Variants in ADGRE2 observed in about 807,000 individuals in gnomAD.
The protein encoded by ADGRE2 is CD97 antigen.
A neutral mutation model predicts 100.8 loss-of-function variants in ADGRE2; 83 were observed. That is an observed-to-expected ratio of 0.82 (90% CI 0.69 to 0.99). The LOEUF (loss-of-function observed/expected upper bound fraction) is 0.99, where lower values mean the gene tolerates loss of function less well. Ranked by LOEUF, ADGRE2 falls within the 50% of genes least tolerant of loss-of-function variation. The probability of loss-of-function intolerance (pLI) is 0.00; values close to 1 mark genes in which losing one functional copy is unlikely to be tolerated. For synonymous variants in ADGRE2, 355 were observed against 413.0 expected (o/e 0.86, Z 1.70); for missense variants, 814 against 1,035.7 (o/e 0.79, Z 2.94).
intron 4 of ADGRE2, 142 bp downstream of exon 4, chr19:14,773,796 G>C (rs2044313257): frequency 1.2e-6 from 1 of 846,404 alleles, no homozygotes; most frequent in Non-Finnish European, 2.0e-6. Flanking sequence ...CACCACACCT[G>C]CCCTCTTTCT....
intron 11 of ADGRE2, among the ~76,000 whole-genome samples, chr19:14,760,350 A>C (rs2043673029): frequency 1.3e-5 from 2 of 152,212 alleles, no homozygotes; most frequent in South Asian, 2.1e-4. Context: ...AATAAAAGCA[A>C]TTAAAAACAG....
At chr19:14,731,925 G>A (rs2147053717), downstream of ADGRE2, 1 of 152,278 alleles carries the variant, frequency 6.6e-6, no homozygotes, top group Admixed American at 6.5e-5. Flanking sequence ...AGTTTCCTCT[G>A]ACCTTCCTTC....
At chr19:14,740,252 G>A (rs911421616) in intron 20 of ADGRE2, among the ~76,000 whole-genome samples, 3 of 151,984 alleles carry the variant, frequency 2.0e-5, no homozygotes, top group Non-Finnish European at 2.9e-5. Context: ...GACATAGGTG[G>A]TGAGGGCATT....
intron 16 of ADGRE2, 117 bp from the exon 17 acceptor site, chr19:14,747,079 A>G (rs10403842): frequency 0.33 from 286,771 of 876,444 alleles, 52,741 homozygotes; most frequent in African/African-American, 0.59. Context: ...CAACAATATT[A>G]AGTGTTTCTT....
At position 14,751,608 on chromosome 19, in the gene ADGRE2, G is replaced by T; in HGVS notation, c.1852C>A (p.Leu618Met). Residue 618 changes from leucine (L) to methionine (M), a missense_variant, in exon 16 of 21, where the codon CTG (leucine) becomes ATG (methionine). Transcript: ENST00000315576. Reference sequence around the variant, plus strand: ...AGGAAGAGGTACAGGGCCTCCAGCAGCATCCAGGTCAAGGTGGCCAGGTAG... The same window carrying T: ...AGGAAGAGGTACAGGGCCTCCAGCATCATCCAGGTCAAGGTGGCCAGGTAG... ...YLYLATLTWMLLEALYLFLTA... is the reference protein window; with the variant it reads ...YLYLATLTWMMLEALYLFLTA... 6.2e-7 allele frequency: 1 copy of T among 1,614,052 alleles called. No homozygotes were observed. The highest frequency in any genetic ancestry group is 8.5e-7 in the Non-Finnish European group (1 of 1,180,022).
chr19:14,763,366 A>AAAAC (rs987102399), intron 11 of ADGRE2, among the ~76,000 whole-genome samples: 1 of 151,968 alleles, frequency 6.6e-6, no homozygotes, highest in South Asian at 2.1e-4. Context: ...AAAACAAAAC[A>AAAAC]AAACAAACAA....
chr19:14,728,046 C>T (rs1380204568), downstream of ADGRE2, among the ~76,000 whole-genome samples: 1 of 152,148 alleles, frequency 6.6e-6, no homozygotes, highest in Non-Finnish European at 1.5e-5. Flanking sequence ...CACGGTGAAA[C>T]CCCATCTCTA....
intron 5 of ADGRE2, among the ~76,000 whole-genome samples, chr19:14,770,669 C>CTTTTTTTTTTTTTTTTTTT (rs775214778): frequency 2.4e-4 from 20 of 85,006 alleles, no homozygotes; most frequent in Non-Finnish European, 3.4e-4. Context: ...TCTTTCTTTT[C>CTTTTTTTTTTTTTTTTTTT]TTTTTTTTTT....
At chr19:14,757,389 T>C (rs1568601886) in intron 11 of ADGRE2, among the ~76,000 whole-genome samples, 4 of 105,014 alleles carry the variant, frequency 3.8e-5, no homozygotes, top group Admixed American at 9.1e-5. Flanking sequence ...TTAAAATTCA[T>C]ATGGTGTTGT....
intron 16 of ADGRE2, among the ~76,000 whole-genome samples, chr19:14,749,299 G>A (rs6511969): frequency 0.6 from 62,656 of 104,640 alleles, 15,238 homozygotes; most frequent in African/African-American, 0.72. Flanking sequence ...ATAATTATAT[G>A]TAATTATATA....
At chr19:14,727,264 G>C in the ADGRE2 span, among the ~76,000 whole-genome samples, 1 of 152,100 alleles carries the variant, frequency 6.6e-6, no homozygotes, top group Non-Finnish European at 1.5e-5. Context: ...TCCTGACCTT[G>C]TGATCCGCCC....
Position 14,774,691 on chromosome 19 carries a change from TGA to T in ADGRE2, c.32-387_32-386del, listed in dbSNP as rs1206839783. On this transcript the variant is annotated intron_variant, in intron 2 of 20. Coordinates refer to ENST00000315576, the MANE Select transcript of ADGRE2 (RefSeq NM_013447.4). Reference sequence around the variant, plus strand: ...ATTTTAAATTTTCTTTCTTTCTTTTTGAGACAGGGTCTTGCTCTGTCGCCCAG... The same window carrying T: ...ATTTTAAATTTTCTTTCTTTCTTTTTGACAGGGTCTTGCTCTGTCGCCCAG... Among the ~76,000 whole-genome samples, 330 of 139,272 alleles carry T rather than the reference TGA, an allele frequency of 2.4e-3. 5 individuals carry two copies. The highest frequency in any genetic ancestry group is 8.5e-3 in the African/African-American group (318 of 37,374). The allele number at this position is 139,272 out of a possible 152,430, so 91.4% of individuals were successfully genotyped here. A position where few individuals can be genotyped will look rare whatever the true frequency, so the allele number is the denominator to read the frequency against.
intron 16 of ADGRE2, among the ~76,000 whole-genome samples, chr19:14,749,647 G>T (rs1403502215): frequency 7.0e-6 from 1 of 142,250 alleles, no homozygotes; most frequent in Non-Finnish European, 1.5e-5. Flanking sequence ...GCTATGTTAT[G>T]TAATTATTTA....
chr19:14,766,969 G>C lies in ADGRE2; in HGVS notation c.487+9C>G, dbSNP rs1269880817. ...GTCCAGCCTCACAGCGTCTTCCTGG[G>C]GCCTCTACCTGTGCAGAGCTTCGGG... On this transcript the variant is annotated intron_variant, in intron 6 of 20. Coordinates refer to ENST00000315576, the MANE Select transcript of ADGRE2 (RefSeq NM_013447.4). 6 of 1,498,120 alleles carry C rather than the reference G, an allele frequency of 4.0e-6. No individual in the cohort carries two copies. The highest frequency in any genetic ancestry group is 5.4e-6 in the Non-Finnish European group (6 of 1,107,292). The allele number at this position is 1,498,120 out of a possible 1,614,324, so 92.8% of individuals were successfully genotyped here.
At position 14,776,489 on chromosome 19, in the gene ADGRE2, C is replaced by T. The variant is rs371424497; in HGVS notation, c.31+237G>A. 23 of 562,630 alleles carry T rather than the reference C, an allele frequency of 4.1e-5. No homozygotes were observed. The East Asian group carries it at 6.4e-4, about 16-fold the overall frequency. 34.9% of individuals were successfully genotyped at this position (562,630 alleles called of 1,614,324 possible). A position where few individuals can be genotyped will look rare whatever the true frequency, so the allele number is the denominator to read the frequency against. Reference sequence around the variant, plus strand: ...TGGCTCCAGTAGAAAGCTTGAGGATCCCTCCGGGCAGGGTAGCAGGCTCCG... The same window carrying T: ...TGGCTCCAGTAGAAAGCTTGAGGATTCCTCCGGGCAGGGTAGCAGGCTCCG... On this transcript the variant is annotated intron_variant, in intron 2 of 20. Transcript: ENST00000315576.
chr19:14,769,328 C>T (rs1272848224), intron 5 of ADGRE2, among the ~76,000 whole-genome samples: 1 of 152,118 alleles, frequency 6.6e-6, no homozygotes, highest in African/African-American at 2.4e-5. Context: ...GGGTTCTGAA[C>T]CTTGAGGTTT....
At chr19:14,761,069 CA>C (rs1324053125) in intron 11 of ADGRE2, among the ~76,000 whole-genome samples, 1 of 152,202 alleles carries the variant, frequency 6.6e-6, no homozygotes, top group Non-Finnish European at 1.5e-5. Context: ...ATAGCTTAAA[CA>C]TATTTGATTG....
At chr19:14,736,750 A>G (rs1230633363) in intron 20 of ADGRE2, among the ~76,000 whole-genome samples, 6 of 146,038 alleles carry the variant, frequency 4.1e-5, no homozygotes, top group Non-Finnish European at 9.0e-5. Context: ...AGATATTTAG[A>G]AATATATAGA....
chr19:14,748,171 T>G (rs2043149643), intron 16 of ADGRE2, among the ~76,000 whole-genome samples: 1 of 152,132 alleles, frequency 6.6e-6, no homozygotes, highest in South Asian at 2.1e-4. Flanking sequence ...TGAAGTTTCC[T>G]TGTTTGTGTC....
Sources: gnomAD v4.1 joint callset for allele counts (sites outside exome capture counted in the v4.1 genomes callset) on GRCh38, gnomAD v4.1.1 for gene constraint, MANE v1.5 for transcripts, NCBI Gene and HGNC (gene_info 2026-07-23, HGNC 2026-07-21) for gene names.